MCF2L2: variants seen among roughly 807,000 people sequenced by gnomAD.
The protein encoded by MCF2L2 is probable guanine nucleotide exchange factor MCF2L2.
In MCF2L2, 102 loss-of-function variants were observed where a neutral mutation model predicts 150.2. The ratio of observed to expected loss-of-function variants is 0.68; its 90% CI spans 0.58 to 0.80. The LOEUF is 0.80. Among genes scored for constraint, MCF2L2 ranks in the 30% least tolerant of loss-of-function variants. MCF2L2 has a pLI of 0.00. For synonymous variants in MCF2L2, 465 were observed against 491.3 expected (o/e 0.95, Z 0.71); for missense variants, 1,256 against 1,372.8 (o/e 0.91, Z 1.34).
intron 15 of MCF2L2, among the ~76,000 whole-genome samples, chr3:183,259,267 CAAAT>C (rs1161961333): frequency 2.6e-5 from 4 of 152,168 alleles, no homozygotes; most frequent in South Asian, 2.1e-4. Context: ...TCTAGTGACT[CAAAT>C]AAAGCAGTCA....
chr3:183,271,956 T>C (rs150155893), intron 15 of MCF2L2: 1 of 199,504 alleles, frequency 5.0e-6, no homozygotes, highest in African/African-American at 2.4e-5. Flanking sequence ...CAAGGTCTTA[T>C]AAACCACAGC....
intron 1 of MCF2L2, among the ~76,000 whole-genome samples, chr3:183,416,736 C>T (rs1432850257): frequency 6.6e-6 from 1 of 151,932 alleles, no homozygotes; most frequent in Admixed American, 6.6e-5. Context: ...AACAATACAA[C>T]AATAAAAAAA....
At chr3:183,202,057 A>T (rs1576917632) in intron 25 of MCF2L2, among the ~76,000 whole-genome samples, 1 of 152,106 alleles carries the variant, frequency 6.6e-6, no homozygotes, top group East Asian at 1.9e-4. Flanking sequence ...ACAGCCTGCA[A>T]TGATAGTGAA....
intron 5 of MCF2L2, among the ~76,000 whole-genome samples, chr3:183,326,512 A>AAAAAC (rs1472884996): frequency 1.5e-5 from 2 of 135,982 alleles, no homozygotes; most frequent in Admixed American, 1.5e-4. Flanking sequence ...AAAAAAAAAA[A>AAAAAC]AAAACAAAAA....
intron 3 of MCF2L2, chr3:183,377,194 T>A (rs1713238108): frequency 6.6e-6 from 1 of 152,088 alleles, no homozygotes. Flanking sequence ...CTTCCCCTCG[T>A]CCCCGACCCT....
intron 1 of MCF2L2, among the ~76,000 whole-genome samples, chr3:183,405,066 A>G (rs1317007410): frequency 6.6e-6 from 1 of 152,148 alleles, no homozygotes; most frequent in Non-Finnish European, 1.5e-5. Context: ...AATATAATTG[A>G]ATGTACAGTA....
chr3:183,425,049 T>C (rs1459996726), intron 1 of MCF2L2, among the ~76,000 whole-genome samples: 1 of 151,822 alleles, frequency 6.6e-6, no homozygotes, highest in East Asian at 1.9e-4. Context: ...GTGTCGTGTT[T>C]GTTTGGCTCG....
chr3:183,215,086 G>A (rs545835861), intron 22 of MCF2L2, among the ~76,000 whole-genome samples: 1 of 152,226 alleles, frequency 6.6e-6, no homozygotes, highest in East Asian at 1.9e-4. Context: ...GAGCCATGGA[G>A]CGTGGGTGGC....
intron 7 of MCF2L2, among the ~76,000 whole-genome samples, chr3:183,314,756 A>G (rs910026013): frequency 6.6e-6 from 1 of 150,852 alleles, no homozygotes; most frequent in Non-Finnish European, 1.5e-5. Flanking sequence ...TCACTTTTCC[A>G]GCTGGAAAAG....
intron 1 of MCF2L2, among the ~76,000 whole-genome samples, chr3:183,412,267 C>T (rs1259950678): frequency 6.6e-6 from 1 of 151,118 alleles, no homozygotes; most frequent in Non-Finnish European, 1.5e-5. Flanking sequence ...GCAGGCTCTT[C>T]TCTAATTGTT....
intron 5 of MCF2L2, among the ~76,000 whole-genome samples, chr3:183,330,272 AAAAAAGGAAAGGAAAAG>A (rs1166253025): frequency 6.6e-6 from 1 of 151,474 alleles, no homozygotes; most frequent in Admixed American, 6.6e-5. Flanking sequence ...AAGAAGAAGA[AAAAAAGGAAAGGAAAAG>A]GAAAAGGAAA....
intron 3 of MCF2L2, among the ~76,000 whole-genome samples, chr3:183,352,693 T>C (rs1158056136): frequency 6.6e-6 from 1 of 152,088 alleles, no homozygotes; most frequent in Non-Finnish European, 1.5e-5. Context: ...AAAGAGAGAA[T>C]CTGCAGAGCA....
chr3:183,204,504 T>C (rs1287164694), intron 25 of MCF2L2, among the ~76,000 whole-genome samples: 2 of 152,002 alleles, frequency 1.3e-5, no homozygotes, highest in East Asian at 3.9e-4. Flanking sequence ...TAATGAACAA[T>C]ACAAGTGTTA....
chr3:183,212,677 A>T (rs1255606112), intron 22 of MCF2L2, among the ~76,000 whole-genome samples: 2 of 136,226 alleles, frequency 1.5e-5, no homozygotes, highest in Non-Finnish European at 3.4e-5. Context: ...GACTGTCACA[A>T]ACTTACTGCA....
chr3:183,225,824 C>CCT (rs1458068814), intron 18 of MCF2L2: 1 of 152,230 alleles, frequency 6.6e-6, no homozygotes, highest in Non-Finnish European at 1.5e-5. Context: ...TTTATGGAAT[C>CCT]CTCTGCATAC....
intron 15 of MCF2L2, among the ~76,000 whole-genome samples, chr3:183,261,589 A>AT (rs1157668438): frequency 6.6e-6 from 1 of 152,134 alleles, no homozygotes; most frequent in Non-Finnish European, 1.5e-5. Context: ...GGATCATTAT[A>AT]TTTTCATGAT....
At chr3:183,352,250 T>C (rs6443872) in intron 3 of MCF2L2, among the ~76,000 whole-genome samples, 17,053 of 152,142 alleles carry the variant, frequency 0.11, 1,569 homozygotes, top group African/African-American at 0.24. Context: ...AAGCCGGGCG[T>C]GGTGGCTCAC....
At chr3:183,266,542 T>C (rs1726140388) in intron 15 of MCF2L2, among the ~76,000 whole-genome samples, 2 of 152,172 alleles carry the variant, frequency 1.3e-5, no homozygotes, top group Non-Finnish European at 2.9e-5. Flanking sequence ...AGAGGGCCCT[T>C]GTTTTGGGGC....
intron 22 of MCF2L2, among the ~76,000 whole-genome samples, chr3:183,211,212 G>A (rs1000817770): frequency 2.0e-5 from 3 of 152,078 alleles, no homozygotes; most frequent in African/African-American, 4.8e-5. Context: ...TAAGAACCCC[G>A]GCTCCCTCCC....
Sources: allele counts gnomAD v4.1 joint callset (sites outside exome capture counted in the v4.1 genomes callset), GRCh38; gene constraint gnomAD v4.1.1; transcripts MANE v1.5; gene names NCBI Gene and HGNC (gene_info 2026-07-23, HGNC 2026-07-21).